The following LPIN2 variants were observed in gnomAD, a reference collection of about 807,000 sequenced individuals.
LPIN2 encodes lipin 2, also known as phosphatidate phosphatase LPIN2.
LPIN2 carries 55 observed loss-of-function variants against 111.4 expected under a neutral mutation model. The observed-to-expected ratio is 0.49, with a 90% CI of 0.40 to 0.62. The LOEUF is 0.62. LPIN2 is among the 20% of genes least tolerant of loss of function. The probability of loss-of-function intolerance (pLI) is 0.00; values close to 1 mark genes in which losing one functional copy is unlikely to be tolerated. For missense variants in LPIN2, 992 were observed against 1,112.1 expected (o/e 0.89, Z 1.54); for synonymous variants, 425 against 414.0 (o/e 1.03, Z -0.32).
intron 3 of LPIN2, among the ~76,000 whole-genome samples, chr18:2,951,997 C>A (rs984744716): frequency 6.6e-6 from 1 of 151,992 alleles, no homozygotes; most frequent in African/African-American, 2.4e-5. Flanking sequence ...AAAATAAGGC[C>A]CAATATTTAG....
chr18:2,990,786 C>A, intron 1 of LPIN2: 2 of 378,398 alleles, frequency 5.3e-6, no homozygotes, highest in African/African-American at 2.1e-5. Context: ...GCCTGACTGA[C>A]AAAATAAGGG....
chr18:2,952,801 C>T (rs588168), intron 3 of LPIN2, among the ~76,000 whole-genome samples: 77,961 of 151,956 alleles, frequency 0.51, 21,575 homozygotes, highest in Non-Finnish European at 0.62. Context: ...ATAACCTGAA[C>T]GCCTACCAGC....
intron 1 of LPIN2, among the ~76,000 whole-genome samples, chr18:3,009,067 G>C (rs2078561730): frequency 6.6e-6 from 1 of 151,864 alleles, no homozygotes; most frequent in Admixed American, 6.6e-5. Context: ...AGGAGTCTGA[G>C]ACCAGCCTGC....
At chr18:3,001,094 G>C (rs1019927991) in intron 1 of LPIN2, among the ~76,000 whole-genome samples, 1 of 152,188 alleles carries the variant, frequency 6.6e-6, no homozygotes, top group Non-Finnish European at 1.5e-5. Flanking sequence ...TCTATAGCTA[G>C]CCTATCAGTT....
At chr18:2,973,047 T>C (rs2077947987) in intron 1 of LPIN2, among the ~76,000 whole-genome samples, 2 of 152,194 alleles carry the variant, frequency 1.3e-5, no homozygotes, top group South Asian at 2.1e-4. Flanking sequence ...ATGAAAGATA[T>C]TAAACTATTA....
chr18:2,961,708 C>CA (rs1334513710), intron 1 of LPIN2, among the ~76,000 whole-genome samples: 2 of 152,062 alleles, frequency 1.3e-5, no homozygotes, highest in Non-Finnish European at 2.9e-5. Context: ...GTCCTAATGT[C>CA]AGATTTTACT....
Position 2,925,300 on chromosome 18 carries a change from G to C in LPIN2, c.1862C>G (p.Pro621Arg), listed in dbSNP as rs2077114223. The C allele has an allele frequency of 6.2e-7, 1 of 1,614,170 alleles. No individual in the cohort carries two copies. Among genetic ancestry groups the C allele is most frequent in the Non-Finnish European group, 8.5e-7 (1 of 1,180,018 alleles). ...QELEESITVDPIPTEPLSHGS... is the reference protein window; with the variant it reads ...QELEESITVDRIPTEPLSHGS... Reference sequence around the variant, plus strand: ...GTGGCTCAGGGGCTCTGTGGGGATGGGGTCCACTGTGATGGATTCTTCGAG... The same window carrying C: ...GTGGCTCAGGGGCTCTGTGGGGATGCGGTCCACTGTGATGGATTCTTCGAG... The change falls in exon 14 of 20, where the codon CCC becomes CGC. Residue 621 changes from proline (P) to arginine (R), a missense_variant. This residue lies in a region of LPIN2 where 709 missense variants were observed against 753.2 expected (regional missense o/e 0.94). Coordinates refer to ENST00000677752, the MANE Select transcript of LPIN2 (RefSeq NM_001375808.2). This position sits in a 1 kb window ranked among gnomAD's most constrained non-coding sequence, Gnocchi z 4.1.
chr18:2,993,637 T>C (rs1296623010), intron 1 of LPIN2, among the ~76,000 whole-genome samples: 1 of 152,214 alleles, frequency 6.6e-6, no homozygotes, highest in Non-Finnish European at 1.5e-5. Flanking sequence ...TCATTTTATG[T>C]ATACCTACAC....
At chr18:2,999,735 A>G (rs1426212816) in intron 1 of LPIN2, among the ~76,000 whole-genome samples, 2 of 152,216 alleles carry the variant, frequency 1.3e-5, no homozygotes, top group Non-Finnish European at 2.9e-5. Flanking sequence ...GCTGCCAGCA[A>G]CCCACCAGCA....
chr18:2,998,371 C>T (rs989119730), intron 1 of LPIN2, among the ~76,000 whole-genome samples: 1 of 152,180 alleles, frequency 6.6e-6, no homozygotes, highest in Non-Finnish European at 1.5e-5. Context: ...AGCAAGTCAG[C>T]GAAACAGCAC....
chr18:2,957,578 G>C (rs2077632041), intron 2 of LPIN2, among the ~76,000 whole-genome samples: 1 of 152,140 alleles, frequency 6.6e-6, no homozygotes, highest in Admixed American at 6.5e-5. Flanking sequence ...TACAGAAACT[G>C]GTCCCAGAGA....
intron 7 of LPIN2, among the ~76,000 whole-genome samples, chr18:2,935,138 C>T (rs1184251363): frequency 6.6e-6 from 1 of 152,098 alleles, no homozygotes; most frequent in Non-Finnish European, 1.5e-5. Context: ...GTGAGGTACA[C>T]AAAATGTTAA....
intron 8 of LPIN2, among the ~76,000 whole-genome samples, chr18:2,932,461 G>C (rs780420684): frequency 6.6e-6 from 1 of 152,168 alleles, no homozygotes; most frequent in Non-Finnish European, 1.5e-5. Context: ...AAAAATTCAG[G>C]TTTTTGGATA....
In LPIN2 at chr18:2,960,522, A is replaced by C; in HGVS notation, c.192+127T>G. 6.6e-6 allele frequency: 6 copies of C among 906,308 alleles called. 1 individual carries two copies. Among genetic ancestry groups the C allele is most frequent in the Non-Finnish European group, 1.0e-5 (6 of 574,650 alleles). 56.1% of individuals were successfully genotyped at this position (906,308 alleles called of 1,614,324 possible). Reference sequence around the variant, plus strand: ...CTCAACATCATTCAGGTTAAAAAAAAAAAAAGGCCTAGAAAACTCACAATA... The same window carrying C: ...CTCAACATCATTCAGGTTAAAAAAACAAAAAGGCCTAGAAAACTCACAATA... On this transcript the variant is annotated intron_variant, in intron 2 of 19. Coordinates refer to ENST00000677752, the MANE Select transcript of LPIN2 (RefSeq NM_001375808.2).
chr18:2,958,390 G>A (rs936363294), intron 2 of LPIN2, among the ~76,000 whole-genome samples: 3 of 151,948 alleles, frequency 2.0e-5, no homozygotes, highest in Admixed American at 1.3e-4. Context: ...TTTTAAGGTG[G>A]TCATGATTTC....
At position 2,960,157 on chromosome 18, in the gene LPIN2, G is replaced by A. The variant is rs549075376; in HGVS notation, c.192+492C>T. ...TGTACTCCAGCCTGGACAGCAAAGC[G>A]AGACTCCGACTCAAAAATGTGTGTG... On this transcript the variant is annotated intron_variant, in intron 2 of 19. Coordinates refer to ENST00000677752, the MANE Select transcript of LPIN2 (RefSeq NM_001375808.2). Among the ~76,000 whole-genome samples, 28 of 147,784 alleles carry A rather than the reference G, an allele frequency of 1.9e-4. No homozygotes were observed. The South Asian group carries it at 5.4e-3, about 29-fold the overall frequency.
intron 1 of LPIN2, among the ~76,000 whole-genome samples, chr18:2,987,798 T>C (rs1254145408): frequency 1.3e-5 from 2 of 152,054 alleles, no homozygotes; most frequent in South Asian, 2.1e-4. Context: ...TAAGTGTACT[T>C]AGAATCCAGG....
intron 1 of LPIN2, among the ~76,000 whole-genome samples, chr18:2,989,919 CAAAA>C (rs35487621): frequency 4.0e-5 from 5 of 124,102 alleles, no homozygotes; most frequent in East Asian, 2.4e-4. Context: ...GACTCTGTCT[CAAAA>C]AAAAAAAAAA....
chr18:2,923,669 C>G, intron 16 of LPIN2, 106 bp downstream of exon 16: 1 of 969,284 alleles, frequency 1.0e-6, no homozygotes, highest in Admixed American at 1.7e-5. Context: ...AATGCTTCAG[C>G]ATAAACACAT....
Sources: gnomAD v4.1 joint callset for allele counts (sites outside exome capture counted in the v4.1 genomes callset) on GRCh38, gnomAD v4.1.1 for gene constraint, gnomAD v4.1.1 regional missense constraint, Gnocchi (gnomAD v3.1) non-coding constraint, MANE v1.5 for transcripts, NCBI Gene and HGNC (gene_info 2026-07-23, HGNC 2026-07-21) for gene names.